CX3CR1: variants seen among roughly 807,000 people sequenced by gnomAD.
The protein encoded by CX3CR1 is CX3C chemokine receptor 1.
For missense variants in CX3CR1, 363 were observed against 432.4 expected, an observed-to-expected ratio of 0.84 and a Z score of 1.42; for synonymous variants, 168 against 178.5, an observed-to-expected ratio of 0.94 and a Z score of 0.47.
chr3:39,291,308 C>T, the CX3CR1 span, among the ~76,000 whole-genome samples: 4 of 152,144 alleles, frequency 2.6e-5, no homozygotes, highest in Non-Finnish European at 4.4e-5. Context: ...CCACCAGCCT[C>T]CGTCTCCCAA....
In CX3CR1 at chr3:39,266,478, TTTTCTG is replaced by T; in HGVS notation, c.26_31del (p.Thr9_Glu10del). On this transcript the variant is annotated inframe_deletion, in exon 2 of 2. Coordinates refer to ENST00000399220, the MANE Select transcript of CX3CR1 (RefSeq NM_001337.4). ...CTCAGCCAAATCATCGTACTCAAAG[TTTTCTG>T]TCACTGATTCAGGGAACTGATCCAT... The T allele has an allele frequency of 6.2e-7, 1 of 1,613,928 alleles. No individual in the cohort carries two copies. The highest frequency in any genetic ancestry group is 1.3e-5 in the African/African-American group (1 of 75,036).
Position 39,266,320 on chromosome 3 carries a change from T to C in CX3CR1, c.190A>G (p.Ser64Gly). 1 of 1,614,180 alleles carries C rather than the reference T, an allele frequency of 6.2e-7. No individual in the cohort carries two copies. Among genetic ancestry groups the C allele is most frequent in the Non-Finnish European group, 8.5e-7 (1 of 1,180,026 alleles). The change falls in exon 2 of 2, where the codon AGT becomes GGT. Residue 64 changes from serine to glycine, a missense_variant. Physicochemically the swap from Ser to Gly is moderately conservative, Grantham distance 56. Coordinates refer to ENST00000399220, the MANE Select transcript of CX3CR1 (RefSeq NM_001337.4). ...TTCAGGAGGTAAATGTCGGTGACAC[T>C]CTTGGGCTTCTTGCTGTTGGTGAGG... ...FALTNSKKPK[S>G]VTDIYLLNLA... is the part of the protein sequence containing the mutation.
At chr3:39,271,967 G>A (rs1442486127) in intron 1 of CX3CR1, among the ~76,000 whole-genome samples, 1 of 152,212 alleles carries the variant, frequency 6.6e-6, no homozygotes, top group Non-Finnish European at 1.5e-5. Flanking sequence ...GGCCCTCAGG[G>A]TGGTCAAAGG....
chr3:39,279,930 A>G (rs2040877397), intron 1 of CX3CR1, 24 bp downstream of exon 1: 1 of 969,880 alleles, frequency 1.0e-6, no homozygotes, highest in Non-Finnish European at 1.2e-6. Context: ...ACCCACAGGT[A>G]CCCAACTAGT....
chr3:39,265,762 T>C lies in CX3CR1; in HGVS notation c.748A>G (p.Met250Val), dbSNP rs780921976. 1 of 1,614,192 alleles carries C rather than the reference T, an allele frequency of 6.2e-7. No homozygotes were observed. Among genetic ancestry groups the C allele is most frequent in the Non-Finnish European group, 8.5e-7 (1 of 1,180,028 alleles). The change falls in exon 2 of 2, where the codon ATG becomes GTG. Residue 250 changes from methionine to valine, a missense_variant. By Grantham distance (21) the Met-to-Val change is conservative. Coordinates refer to ENST00000399220, the MANE Select transcript of CX3CR1 (RefSeq NM_001337.4). ...FFLFWTPYNVMIFLETLKLYD... is the reference protein window; with the variant it reads ...FFLFWTPYNVVIFLETLKLYD... ...AGCTTAAGCGTCTCCAGGAAAATCA[T>C]AACGTTGTAGGGTGTCCAGAAGAGG...
At chr3:39,281,761 C>T, upstream of CX3CR1, 2 of 1,189,062 alleles carry the variant, frequency 1.7e-6, no homozygotes, top group Non-Finnish European at 1.2e-6. Flanking sequence ...GTGCTCTCAC[C>T]ACTTCCACTT....
At chr3:39,281,305 C>T (rs191028886), upstream of CX3CR1, 23 of 1,090,346 alleles carry the variant, frequency 2.1e-5, no homozygotes, top group East Asian at 1.2e-3. Context: ...CACTTTCTGA[C>T]ACTGGCCCCT....
At chr3:39,287,953 G>T in the CX3CR1 span, 3 of 151,824 alleles carry the variant, frequency 2.0e-5, no homozygotes, top group Admixed American at 1.3e-4. Flanking sequence ...ATATTCAAAA[G>T]CTCACGTATG....
upstream of CX3CR1, among the ~76,000 whole-genome samples, chr3:39,280,867 G>T (rs533458868): frequency 1.3e-5 from 2 of 152,290 alleles, no homozygotes; most frequent in East Asian, 3.9e-4. Context: ...ATCACCTTCC[G>T]ATCACTTCAT....
At chr3:39,290,457 CT>C in the CX3CR1 span, among the ~76,000 whole-genome samples, 9 of 152,140 alleles carry the variant, frequency 5.9e-5, no homozygotes, top group Non-Finnish European at 1.2e-4. Context: ...TTTTCACTTT[CT>C]TTTTTCATAT....
At chr3:39,278,299 C>T (rs56148316) in intron 1 of CX3CR1, among the ~76,000 whole-genome samples, 3,702 of 152,288 alleles carry the variant, frequency 0.024, 135 homozygotes, top group African/African-American at 0.084. Flanking sequence ...GAGACTATTT[C>T]CTGCCCTGCC....
the CX3CR1 span, chr3:39,286,925 C>T: frequency 6.6e-6 from 1 of 152,350 alleles, no homozygotes; most frequent in East Asian, 1.9e-4. Flanking sequence ...ACTTTCTTAG[C>T]ATTCAGAATA....
upstream of CX3CR1, chr3:39,286,658 A>AAG (rs2040945944): frequency 4.6e-5 from 1 of 21,530 alleles, no homozygotes; most frequent in Non-Finnish European, 8.6e-5. Context: ...ACTCCGTCTC[A>AAG]AAAAAAAAAA....
Position 39,266,023 on chromosome 3 carries a change from G to C in CX3CR1, c.487C>G (p.Pro163Ala). 1 of 1,614,172 alleles carries C rather than the reference G, an allele frequency of 6.2e-7. No homozygotes were observed. The highest frequency in any genetic ancestry group is 2.2e-5 in the East Asian group (1 of 44,886). ...VWAAAILVAA[P>A]QFMFTKQKEN... is the part of the protein sequence containing the mutation. ...TTCTGCTTTGTGAACATGAACTGGGGTGCTGCCACCAAAATGGCTGCTGCC... is the reference window on the plus strand; with the variant it reads ...TTCTGCTTTGTGAACATGAACTGGGCTGCTGCCACCAAAATGGCTGCTGCC... Residue 163 changes from proline (P) to alanine (A), a missense_variant, in exon 2 of 2, where the codon CCC becomes GCC. Coordinates refer to ENST00000399220, the MANE Select transcript of CX3CR1 (RefSeq NM_001337.4).
At chr3:39,283,941 C>CA (rs1173456558), upstream of CX3CR1, among the ~76,000 whole-genome samples, 1 of 149,868 alleles carries the variant, frequency 6.7e-6, no homozygotes, top group East Asian at 2.0e-4. Context: ...TTTACCTTTA[C>CA]AAATAACTAA....
chr3:39,281,677 C>G (rs2040901187), upstream of CX3CR1: 1 of 1,598,900 alleles, frequency 6.3e-7, no homozygotes, highest in African/African-American at 1.3e-5. Flanking sequence ...AACTTAAACG[C>G]CTCCAGGGGT....
At chr3:39,286,055 C>T (rs1187453253), upstream of CX3CR1, 3 of 152,180 alleles carry the variant, frequency 2.0e-5, no homozygotes, top group Non-Finnish European at 4.4e-5. Flanking sequence ...AATAAGCTGC[C>T]AGATTAGCCA....
chr3:39,265,929 T>C lies in CX3CR1; in HGVS notation c.581A>G (p.Glu194Gly). The change falls in exon 2 of 2, where the codon GAA becomes GGA. Residue 194 changes from glutamate (E) to glycine (G), a missense_variant. By Grantham distance (98) the Glu-to-Gly change is moderately conservative. Coordinates refer to ENST00000399220, the MANE Select transcript of CX3CR1 (RefSeq NM_001337.4). ...QEIWPVLRNV[E>G]TNFLGFLLPL... ...GAGTAGGAAGCCAAGAAAATTTGTTTCCACATTGCGGAGCACGGGCCAGAT... is the reference window on the plus strand; with the variant it reads ...GAGTAGGAAGCCAAGAAAATTTGTTCCCACATTGCGGAGCACGGGCCAGAT... The C allele has an allele frequency of 6.2e-7, 1 of 1,614,196 alleles. No homozygotes were observed. Among genetic ancestry groups the C allele is most frequent in the Non-Finnish European group, 8.5e-7 (1 of 1,180,028 alleles).
At position 39,265,280 on chromosome 3, in the gene CX3CR1, A is replaced by G; in HGVS notation, c.*162T>C. The G allele has an allele frequency of 4.6e-6, 3 of 650,982 alleles. No individual in the cohort carries two copies. The highest frequency in any genetic ancestry group is 7.7e-6 in the Non-Finnish European group (3 of 391,548). 40.3% of individuals were successfully genotyped at this position (650,982 alleles called of 1,614,324 possible). ...AAGAGTTCAATTTGTTCATTCTTCA[A>G]ATTTTGAGCACAATTCTCAACAACA... On this transcript the variant is annotated 3_prime_UTR_variant, in exon 2 of 2. Transcript: ENST00000399220.
Sources: allele counts gnomAD v4.1 joint callset (sites outside exome capture counted in the v4.1 genomes callset), GRCh38; gene constraint gnomAD v4.1.1; transcripts MANE v1.5; gene names NCBI Gene and HGNC (gene_info 2026-07-23, HGNC 2026-07-21).